LMF1: variants seen among roughly 807,000 people sequenced by gnomAD.
LMF1 encodes the protein transmembrane protein 112.
LMF1 carries 68 observed loss-of-function variants against 60.6 expected under a neutral mutation model. The ratio of observed to expected loss-of-function variants is 1.12; its 90% CI spans 0.92 to 1.37. The LOEUF (loss-of-function observed/expected upper bound fraction) is 1.37. LMF1 is among the 40% of genes most tolerant of loss of function. The pLI is 0.00. For synonymous variants in LMF1, 418 were observed against 324.7 expected, an observed-to-expected ratio of 1.29 and a Z score of -3.09; for missense variants, 948 against 767.2, an observed-to-expected ratio of 1.24 and a Z score of -2.78.
chr16:903,648 T>A (rs1953763665), intron 4 of LMF1: 1 of 96,106 alleles, frequency 1.0e-5, no homozygotes, highest in Non-Finnish European at 2.0e-5. Context: ...GGTGGTGACC[T>A]CTGCATCGCC....
At chr16:954,711 A>C in intron 1 of LMF1, 45 bp from the exon 2 acceptor site, 1 of 1,518,864 alleles carries the variant, frequency 6.6e-7, no homozygotes, top group Non-Finnish European at 8.9e-7. Context: ...GGAACAAACC[A>C]CATGTGGACA....
chr16:927,392 C>T (rs918008340), intron 3 of LMF1, among the ~76,000 whole-genome samples: 11 of 152,234 alleles, frequency 7.2e-5, no homozygotes, highest in Non-Finnish European at 1.5e-4. Flanking sequence ...CCACGCTCTA[C>T]AGGATGCTTC....
intron 2 of LMF1, chr16:947,321 G>C: frequency 2.7e-6 from 1 of 370,878 alleles, no homozygotes; most frequent in East Asian, 7.3e-5. Context: ...CAGCCAGGGA[G>C]GGCCCCACCC....
exon 1 of LMF1, chr16:981,165 G>C (rs758570736): frequency 8.8e-6 from 4 of 453,812 alleles, no homozygotes; most frequent in South Asian, 4.7e-5. Context: ...GCTGTCCGCA[G>C]ACTCTGGACG....
At chr16:931,226 T>G (rs929742523) in intron 3 of LMF1, among the ~76,000 whole-genome samples, 2 of 152,236 alleles carry the variant, frequency 1.3e-5, no homozygotes, top group African/African-American at 4.8e-5. Flanking sequence ...AGCTTTTTAT[T>G]TCATTTAGTT....
chr16:893,191 G>T, intron 4 of LMF1, 119 bp from the exon 5 acceptor site: 1 of 843,908 alleles, frequency 1.2e-6, no homozygotes. Context: ...TGGGCTGCAG[G>T]CGCTGTGAGG....
At chr16:863,012 T>C (rs915049778) in intron 10 of LMF1, among the ~76,000 whole-genome samples, 3 of 152,254 alleles carry the variant, frequency 2.0e-5, no homozygotes, top group South Asian at 2.1e-4. Context: ...TTTCTAGTTA[T>C]AGGGCTATTT....
chr16:948,491 G>T (rs1597053156), intron 2 of LMF1, among the ~76,000 whole-genome samples: 1 of 150,250 alleles, frequency 6.7e-6, no homozygotes, highest in East Asian at 2.0e-4. Flanking sequence ...CAGAGCCAAT[G>T]ACAGAGTCAG....
rs935392711 is a variant in LMF1 at position 853,913 on chromosome 16, C to T, written c.*619G>A. 9 of 453,966 alleles carry T rather than the reference C, an allele frequency of 2.0e-5. No individual in the cohort carries two copies. The highest frequency in any genetic ancestry group is 1.6e-4 in the Admixed American group (7 of 42,556). The allele number at this position is 453,966 out of a possible 1,614,324, so 28.1% of individuals were successfully genotyped here. Reference sequence around the variant, plus strand: ...AAACCGGGCCAAGAACACATGTGTGCACAGGCTGTGTGTGCCTGCATGTGT... The same window carrying T: ...AAACCGGGCCAAGAACACATGTGTGTACAGGCTGTGTGTGCCTGCATGTGT... On this transcript the variant is annotated 3_prime_UTR_variant, in exon 11 of 11. Coordinates refer to ENST00000262301, the MANE Select transcript of LMF1 (RefSeq NM_022773.4).
At chr16:966,806 C>T (rs1025036490) in intron 1 of LMF1, among the ~76,000 whole-genome samples, 1 of 152,222 alleles carries the variant, frequency 6.6e-6, no homozygotes, top group African/African-American at 2.4e-5. Context: ...GGCCCACCAA[C>T]CCTGAGCCCC....
rs224165 is a variant in LMF1 at position 874,354 on chromosome 16, C to T, written c.898-3013G>A. On this transcript the variant is annotated intron_variant, in intron 6 of 10. Coordinates refer to ENST00000262301, the MANE Select transcript of LMF1 (RefSeq NM_022773.4). The surrounding 1 kb of genome is among the most constrained non-coding windows in gnomAD (Gnocchi z 4.1). ...AGGGCAAGGAGCCCTTTGGGCAGGG[C>T]GGGGTGGGGTGGGGCCGGACAGCCC... 0.45 allele frequency among the ~76,000 whole-genome samples: 58,317 copies of T among 130,762 alleles called. 11,961 individuals are homozygous for T. Among genetic ancestry groups the T allele is most frequent in the East Asian group, 0.5 (2,216 of 4,398 alleles). The allele number at this position is 130,762 out of a possible 152,430, so 85.8% of individuals were successfully genotyped here.
chr16:928,374 G>A (rs1018331613), intron 3 of LMF1, among the ~76,000 whole-genome samples: 42 of 152,284 alleles, frequency 2.8e-4, no homozygotes, highest in Non-Finnish European at 5.3e-4. Flanking sequence ...GGAAGATAAG[G>A]ATAAACCAAC....
At position 856,378 on chromosome 16, in the gene LMF1, G is replaced by A. The variant is rs936204488; in HGVS notation, c.1530-1672C>T. Among the ~76,000 whole-genome samples, 3 of 152,190 alleles carry A rather than the reference G, an allele frequency of 2.0e-5. No individual in the cohort carries two copies. In the East Asian group the frequency reaches 5.8e-4, roughly 29 times the overall value. ...AGACTGAAGGGACGGGCTGGAATGC[G>A]GCCGTGAGGGCGCTGGGCTGTGCGG... On this transcript the variant is annotated intron_variant, in intron 10 of 10. Transcript: ENST00000262301.
At chr16:885,440 G>A (rs2070280076) in intron 5 of LMF1, among the ~76,000 whole-genome samples, 2 of 152,180 alleles carry the variant, frequency 1.3e-5, no homozygotes, top group Admixed American at 6.5e-5. Context: ...ATAAAGGGCA[G>A]GACTTGTCAG....
rs1352510079 is a variant in LMF1, at chr16:953,371, A to C, written c.503+986T>G. 2.2e-3 allele frequency among the ~76,000 whole-genome samples: 158 copies of C among 71,836 alleles called. 1 individual carries two copies. Among genetic ancestry groups the C allele is most frequent in the Middle Eastern group, 8.1e-3 (1 of 124 alleles). The allele number at this position is 71,836 out of a possible 152,430, so 47.1% of individuals were successfully genotyped here. ...CACGTTCACACAGACACGGACCCCAAACCAGCCTCCTACACGTCCACACAG... is the reference window on the plus strand; with the variant it reads ...CACGTTCACACAGACACGGACCCCACACCAGCCTCCTACACGTCCACACAG... On this transcript the variant is annotated intron_variant, in intron 2 of 10. Transcript: ENST00000262301.
chr16:917,792 C>T (rs899763199), intron 3 of LMF1, among the ~76,000 whole-genome samples: 2 of 152,240 alleles, frequency 1.3e-5, no homozygotes, highest in African/African-American at 2.4e-5. Flanking sequence ...TCCTCCTGAC[C>T]GTGGGCTCCT....
At chr16:868,169 G>A (rs193190391) in intron 10 of LMF1, among the ~76,000 whole-genome samples, 3 of 152,172 alleles carry the variant, frequency 2.0e-5, no homozygotes, top group South Asian at 2.1e-4. Flanking sequence ...GTCTGGTCAC[G>A]TGGACGTCTC....
chr16:909,148 A>C (rs904508676), intron 4 of LMF1, among the ~76,000 whole-genome samples: 4 of 152,118 alleles, frequency 2.6e-5, no homozygotes, highest in Non-Finnish European at 5.9e-5. Context: ...ACCAGGGAGC[A>C]CCTCAAGAAA....
At chr16:911,721 G>A (rs964198799) in intron 3 of LMF1, among the ~76,000 whole-genome samples, 2 of 151,072 alleles carry the variant, frequency 1.3e-5, no homozygotes, top group Non-Finnish European at 3.0e-5. Flanking sequence ...GCAGCACTGG[G>A]GAGGCAGCCC....
Sources: allele counts gnomAD v4.1 joint callset (sites outside exome capture counted in the v4.1 genomes callset), GRCh38; gene constraint gnomAD v4.1.1; non-coding constraint Gnocchi (gnomAD v3.1); transcripts MANE v1.5; gene names NCBI Gene and HGNC (gene_info 2026-07-23, HGNC 2026-07-21).